FBXL17: variants seen among roughly 807,000 people sequenced by gnomAD.
FBXL17 encodes F-box/LRR-repeat protein 17.
In FBXL17, 22 loss-of-function variants were observed where a neutral mutation model predicts 66.2. The ratio of observed to expected loss-of-function variants is 0.33; its 90% confidence interval spans 0.24 to 0.47. FBXL17 has a LOEUF of 0.47. FBXL17 is among the 20% of genes least tolerant of loss of function. The pLI is 1.00. For synonymous variants in FBXL17, 474 were observed against 400.5 expected (o/e 1.18, Z -2.19); for missense variants, 878 against 948.2 (o/e 0.93, Z 0.97).
chr5:108,267,022 C>T (rs933630094), intron 4 of FBXL17, among the ~76,000 whole-genome samples: 1 of 151,934 alleles, frequency 6.6e-6, no homozygotes, highest in African/African-American at 2.4e-5. Context: ...GCATAAGTTG[C>T]ATTTAATTTT....
intron 7 of FBXL17, among the ~76,000 whole-genome samples, chr5:107,941,597 T>G (rs1226941445): frequency 6.6e-6 from 1 of 152,122 alleles, no homozygotes; most frequent in Non-Finnish European, 1.5e-5. Context: ...GAACGTTAAA[T>G]AGGTTTAGGA....
rs540472187 is a variant in FBXL17, at chr5:108,006,603, A to G, written c.1822+14322T>C. ...AGGAAGTACTTACATTAGCCAGTGC[A>G]GGGATATGATGCTTTGAAAACAGTG... On this transcript the variant is annotated intron_variant, in intron 7 of 8. Transcript: ENST00000542267. Among the ~76,000 whole-genome samples the G allele has an allele frequency of 1.2e-4, 19 of 152,364 alleles. 1 individual carries two copies. The South Asian group carries it at 3.9e-3, about 32-fold the overall frequency.
At chr5:108,168,782 A>G (rs1017533972) in intron 6 of FBXL17, among the ~76,000 whole-genome samples, 8 of 152,172 alleles carry the variant, frequency 5.3e-5, no homozygotes, top group African/African-American at 1.7e-4. Flanking sequence ...CACAAATTCT[A>G]AATGCTTTAC....
intron 7 of FBXL17, among the ~76,000 whole-genome samples, chr5:107,990,220 G>A (rs1301236419): frequency 2.6e-5 from 4 of 152,132 alleles, no homozygotes; most frequent in South Asian, 2.1e-4. Flanking sequence ...TGGGGCTATC[G>A]CCCTAGGGAG....
chr5:108,323,598 T>G (rs1450067108), intron 4 of FBXL17, among the ~76,000 whole-genome samples: 1 of 151,918 alleles, frequency 6.6e-6, no homozygotes. Context: ...GAAAAACTCA[T>G]CCTAAAACTC....
chr5:107,900,957 C>G (rs891279273), intron 7 of FBXL17, among the ~76,000 whole-genome samples: 6 of 152,090 alleles, frequency 3.9e-5, no homozygotes, highest in Non-Finnish European at 8.8e-5. Flanking sequence ...ATTTGTAAAA[C>G]CACTGTCTGC....
rs1001526248 is a variant in FBXL17, at chr5:108,325,708, G to C, written c.1506+22691C>G. Among the ~76,000 whole-genome samples the C allele has an allele frequency of 2.0e-5, 3 of 152,136 alleles. No individual in the cohort carries two copies. The East Asian group carries it at 5.8e-4, about 29-fold the overall frequency. On this transcript the variant is annotated intron_variant, in intron 4 of 8. Transcript: ENST00000542267. The stretch of plus-strand genomic sequence containing the variant: ...TGGAATTGGATCATAGGTACACCTA[G>C]AAGTCGTGGCATCTGACAAGCCTAA...
chr5:107,960,543 A>G (rs1310832001), intron 7 of FBXL17, among the ~76,000 whole-genome samples: 1 of 152,142 alleles, frequency 6.6e-6, no homozygotes, highest in Non-Finnish European at 1.5e-5. Context: ...TTTCAACTTT[A>G]GATTTCTATA....
chr5:107,958,939 A>G (rs1369907937), intron 7 of FBXL17, among the ~76,000 whole-genome samples: 1 of 152,246 alleles, frequency 6.6e-6, no homozygotes, highest in Non-Finnish European at 1.5e-5. Flanking sequence ...CTGGCATATT[A>G]GAGTTTAAAA....
At chr5:108,100,627 C>T (rs1418250717) in intron 6 of FBXL17, among the ~76,000 whole-genome samples, 1 of 152,098 alleles carries the variant, frequency 6.6e-6, no homozygotes, top group African/African-American at 2.4e-5. Flanking sequence ...AGAAGAACTC[C>T]TAGGAGACTC....
chr5:108,166,782 A>G (rs527270571), intron 6 of FBXL17, among the ~76,000 whole-genome samples: 2 of 152,270 alleles, frequency 1.3e-5, no homozygotes, highest in East Asian at 3.9e-4. Context: ...TAAACACTCA[A>G]AGTAAATAGT....
intron 7 of FBXL17, among the ~76,000 whole-genome samples, chr5:108,000,630 C>G (rs1753685927): frequency 6.6e-6 from 1 of 152,186 alleles, no homozygotes; most frequent in African/African-American, 2.4e-5. Flanking sequence ...AATAAAAACT[C>G]TATCTTCAAC....
At chr5:108,283,171 CA>C (rs1169040979) in intron 4 of FBXL17, among the ~76,000 whole-genome samples, 2 of 151,678 alleles carry the variant, frequency 1.3e-5, no homozygotes, top group Non-Finnish European at 3.0e-5. Context: ...TGTATGGAAC[CA>C]AAAAAGAACT....
At chr5:108,379,413 A>C (rs775815967) in intron 1 of FBXL17, among the ~76,000 whole-genome samples, 103 of 152,356 alleles carry the variant, frequency 6.8e-4, no homozygotes, top group Non-Finnish European at 1.2e-3. Context: ...TCCAACAAGT[A>C]GACCTCCATA....
intron 4 of FBXL17, among the ~76,000 whole-genome samples, chr5:108,234,911 T>C (rs1755529831): frequency 6.6e-6 from 1 of 152,242 alleles, no homozygotes; most frequent in African/African-American, 2.4e-5. Context: ...AAAGCTCTTC[T>C]ATAAATTTCA....
At chr5:108,123,199 C>T (rs1026568707) in intron 6 of FBXL17, among the ~76,000 whole-genome samples, 3 of 151,508 alleles carry the variant, frequency 2.0e-5, no homozygotes, top group Non-Finnish European at 4.4e-5. Flanking sequence ...TTTGGCAAAA[C>T]CATTTACAGG....
rs140395201 is a variant in FBXL17, at chr5:108,165,195, G to A, written c.1745+20922C>T. 4.1e-3 allele frequency among the ~76,000 whole-genome samples: 626 copies of A among 152,266 alleles called. 2 individuals carry two copies. Among genetic ancestry groups the A allele is most frequent in the African/African-American group, 0.014 (598 of 41,572 alleles). On this transcript the variant is annotated intron_variant, in intron 6 of 8. Transcript: ENST00000542267. Reference sequence around the variant, plus strand: ...CTAAAATCTTACCACTAACCTGTTAGAAATGGTGGTATAGTTCTATAGTTA... The same window carrying A: ...CTAAAATCTTACCACTAACCTGTTAAAAATGGTGGTATAGTTCTATAGTTA...
intron 7 of FBXL17, among the ~76,000 whole-genome samples, chr5:107,984,970 T>C (rs1214144524): frequency 6.6e-6 from 1 of 152,196 alleles, no homozygotes; most frequent in African/African-American, 2.4e-5. Context: ...AAAATCAGAA[T>C]GAATTAGTAT....
chr5:107,898,402 C>T (rs1749454134), intron 7 of FBXL17, among the ~76,000 whole-genome samples: 1 of 152,094 alleles, frequency 6.6e-6, no homozygotes. Flanking sequence ...TGTAAGCCTA[C>T]TCAATGTGAA....
Sources: gnomAD v4.1 joint callset for allele counts (sites outside exome capture counted in the v4.1 genomes callset) on GRCh38, gnomAD v4.1.1 for gene constraint, MANE v1.5 for transcripts, NCBI Gene and HGNC (gene_info 2026-07-23, HGNC 2026-07-21) for gene names.